The following DERA variants were observed in gnomAD, a reference collection of about 807,000 sequenced individuals.
The protein encoded by DERA is deoxyribose-phosphate aldolase, also known as 2-deoxy-D-ribose 5-phosphate aldolase.
DERA carries 15 observed loss-of-function variants against 41.1 expected under a neutral mutation model. The observed-to-expected ratio is 0.37, with a 90% CI of 0.24 to 0.56. The LOEUF (loss-of-function observed/expected upper bound fraction) is 0.56, where lower values mean the gene tolerates loss of function less well. Among genes scored for constraint, DERA ranks in the 20% least tolerant of loss-of-function variants. The pLI is 0.81. For synonymous variants in DERA, 139 were observed against 137.4 expected, an observed-to-expected ratio of 1.01 and a Z score of -0.08; for missense variants, 396 against 403.4, an observed-to-expected ratio of 0.98 and a Z score of 0.16.
In DERA at chr12:15,913,437, T is replaced by C. The variant is rs1948178143; in HGVS notation, c.31+2023T>C. 6.6e-6 allele frequency among the ~76,000 whole-genome samples: 1 copy of C among 152,228 alleles called. No homozygotes were observed. Among genetic ancestry groups the C allele is most frequent in the Non-Finnish European group, 1.5e-5 (1 of 68,028 alleles). ...TTTCAGTATTAATTTATGCAGTATA[T>C]TAACTGATGATTTTTAAAATAGTTT... On this transcript the variant is annotated intron_variant, in intron 1 of 8. Coordinates refer to ENST00000428559, the MANE Select transcript of DERA (RefSeq NM_015954.4). This position sits in a 1 kb window ranked among gnomAD's most constrained non-coding sequence, Gnocchi z 4.5.
In DERA at chr12:15,945,942, G is replaced by C. The variant is rs138660769; in HGVS notation, c.32-10994G>C. 1.9e-3 allele frequency among the ~76,000 whole-genome samples: 285 copies of C among 152,216 alleles called. 2 individuals are homozygous for C. The highest frequency in any genetic ancestry group is 6.5e-3 in the African/African-American group (268 of 41,520). ...TTTATTGAGAATTTTTAGCAAGAAGGGCTGTTGAATTTTGTCAAAGGCCTT... is the reference window on the plus strand; with the variant it reads ...TTTATTGAGAATTTTTAGCAAGAAGCGCTGTTGAATTTTGTCAAAGGCCTT... On this transcript the variant is annotated intron_variant, in intron 1 of 8. Coordinates refer to ENST00000428559, the MANE Select transcript of DERA (RefSeq NM_015954.4).
rs1390002032 is a variant in DERA at position 15,971,605 on chromosome 12, C to T, written c.508+8658C>T. Among the ~76,000 whole-genome samples, 4 of 150,630 alleles carry T rather than the reference C, an allele frequency of 2.7e-5. No homozygotes were observed. The East Asian group carries it at 7.8e-4, about 29-fold the overall frequency. ...GATCTTGGCTCACTGCAGTCTCTGC[C>T]TCCCAGGTTCAAGAGATTCTCCTGC... On this transcript the variant is annotated intron_variant, in intron 5 of 8. Transcript: ENST00000428559.
rs1413203319 is a variant in DERA, at chr12:15,943,975, G to A, written c.32-12961G>A. On this transcript the variant is annotated intron_variant, in intron 1 of 8. Transcript: ENST00000428559. The surrounding 1 kb of genome is among the most constrained non-coding windows in gnomAD (Gnocchi z 4.5). ...TTCCCACCTATGAGTGAGAACATGC[G>A]GTGTTTGGTTTTTTGTCCTTGTGAT... Among the ~76,000 whole-genome samples, 3 of 148,410 alleles carry A rather than the reference G, an allele frequency of 2.0e-5. No homozygotes were observed. The highest frequency in any genetic ancestry group is 3.0e-5 in the Non-Finnish European group (2 of 67,620).
intron 6 of DERA, among the ~76,000 whole-genome samples, chr12:16,022,529 A>G (rs1949023464): frequency 6.6e-6 from 1 of 152,200 alleles, no homozygotes; most frequent in Admixed American, 6.5e-5. Flanking sequence ...TCTCTAGACA[A>G]TAAAGGCTTG....
In DERA at chr12:15,924,680, G is replaced by C. The variant is rs1359885097; in HGVS notation, c.31+13266G>C. Reference sequence around the variant, plus strand: ...ATAATTAAATTACCTTTAACTTGATGAGTGATCAATAAATGGTAGCCATTA... The same window carrying C: ...ATAATTAAATTACCTTTAACTTGATCAGTGATCAATAAATGGTAGCCATTA... On this transcript the variant is annotated intron_variant, in intron 1 of 8. Coordinates refer to ENST00000428559, the MANE Select transcript of DERA (RefSeq NM_015954.4). The surrounding 1 kb of genome is among the most constrained non-coding windows in gnomAD (Gnocchi z 5.0). Among the ~76,000 whole-genome samples the C allele has an allele frequency of 6.6e-6, 1 of 152,168 alleles. No individual in the cohort carries two copies.
intron 1 of DERA, among the ~76,000 whole-genome samples, chr12:15,912,190 G>T (rs1948169377): frequency 6.6e-6 from 1 of 151,962 alleles, no homozygotes; most frequent in South Asian, 2.1e-4. Flanking sequence ...GTGTCCCTGG[G>T]TACTTAAGAT....
rs186945934 is a variant in DERA, at chr12:16,012,662, A to G, written c.638-19880A>G. ...GCAGAATTAAGCCTTTTTTCTCAAT[A>G]AATTTTAAACCAACATTTTAAAGAT... On this transcript the variant is annotated intron_variant, in intron 6 of 8. Coordinates refer to ENST00000428559, the MANE Select transcript of DERA (RefSeq NM_015954.4). The surrounding 1 kb of genome is among the most constrained non-coding windows in gnomAD (Gnocchi z 4.1). 3.0e-3 allele frequency among the ~76,000 whole-genome samples: 454 copies of G among 152,304 alleles called. 2 individuals carry two copies. Among genetic ancestry groups the G allele is most frequent in the Middle Eastern group, 6.8e-3 (2 of 294 alleles).
At chr12:15,931,000 TG>T (rs1257208931) in intron 1 of DERA, among the ~76,000 whole-genome samples, 1 of 152,172 alleles carries the variant, frequency 6.6e-6, no homozygotes, top group Non-Finnish European at 1.5e-5. Flanking sequence ...TTCCATTAAT[TG>T]TTTCTTCTTT....
At position 16,014,270 on chromosome 12, in the gene DERA, A is replaced by G. The variant is rs1948966036; in HGVS notation, c.638-18272A>G. 6.6e-6 allele frequency among the ~76,000 whole-genome samples: 1 copy of G among 152,220 alleles called. No homozygotes were observed. Among genetic ancestry groups the G allele is most frequent in the Non-Finnish European group, 1.5e-5 (1 of 68,044 alleles). On this transcript the variant is annotated intron_variant, in intron 6 of 8. Transcript: ENST00000428559. The surrounding 1 kb of genome is among the most constrained non-coding windows in gnomAD (Gnocchi z 5.4). Reference sequence around the variant, plus strand: ...ACAGTGGGGGAAATGTCTCCAGGGCATGTCAGAGATCTTCATGGCAGTCTC... The same window carrying G: ...ACAGTGGGGGAAATGTCTCCAGGGCGTGTCAGAGATCTTCATGGCAGTCTC...
rs369289804 is a variant in DERA at position 15,958,296 on chromosome 12, C to T, written c.238C>T (p.Arg80Trp). 37 of 1,603,172 alleles carry T rather than the reference C, an allele frequency of 2.3e-5. No individual in the cohort carries two copies. The highest frequency in any genetic ancestry group is 6.8e-5 in the South Asian group (6 of 88,666). Reference protein sequence around the residue: ...RLCYKAKYPIREDLLKALNMH... With the variant: ...RLCYKAKYPIWEDLLKALNMH... ...CTGTTATAAAGCCAAATACCCAATCCGGGAAGATCTCTTAAAAGCTTTAAA... is the reference window on the plus strand; with the variant it reads ...CTGTTATAAAGCCAAATACCCAATCTGGGAAGATCTCTTAAAAGCTTTAAA... Residue 80 changes from arginine to tryptophan, a missense_variant, in exon 3 of 9, where the codon CGG (arginine) becomes TGG (tryptophan). Physicochemically the swap from Arg to Trp is moderately radical, Grantham distance 101. Coordinates refer to ENST00000428559, the MANE Select transcript of DERA (RefSeq NM_015954.4).
intron 6 of DERA, among the ~76,000 whole-genome samples, chr12:16,018,042 T>C (rs1948994625): frequency 6.6e-6 from 1 of 152,210 alleles, no homozygotes; most frequent in African/African-American, 2.4e-5. Context: ...TAACTTCCTA[T>C]AACATAAATA....
At chr12:15,949,541 A>T (rs1948480720) in intron 1 of DERA, among the ~76,000 whole-genome samples, 1 of 152,182 alleles carries the variant, frequency 6.6e-6, no homozygotes, top group Non-Finnish European at 1.5e-5. Flanking sequence ...TGCTAAGACG[A>T]TTCGAAAAGC....
In DERA at chr12:15,966,816, C is replaced by T. The variant is rs1948626504; in HGVS notation, c.508+3869C>T. ...CTGTCCCAGTGTGACTTTTCCACAA[C>T]CTTGGTGTGCTTTCCTTTGGAAACG... On this transcript the variant is annotated intron_variant, in intron 5 of 8. Coordinates refer to ENST00000428559, the MANE Select transcript of DERA (RefSeq NM_015954.4). This position sits in a 1 kb window ranked among gnomAD's most constrained non-coding sequence, Gnocchi z 5.1. Among the ~76,000 whole-genome samples, 1 of 152,084 alleles carries T rather than the reference C, an allele frequency of 6.6e-6. No homozygotes were observed. The highest frequency in any genetic ancestry group is 1.9e-4 in the East Asian group (1 of 5,170).
At chr12:15,933,964 A>G (rs967833596) in intron 1 of DERA, among the ~76,000 whole-genome samples, 1 of 152,088 alleles carries the variant, frequency 6.6e-6, no homozygotes, top group Non-Finnish European at 1.5e-5. Context: ...CCTTTTTGTC[A>G]GTGATTGCCT....
intron 1 of DERA, among the ~76,000 whole-genome samples, chr12:15,927,155 T>C (rs1948292961): frequency 1.3e-5 from 2 of 152,342 alleles, no homozygotes; most frequent in Non-Finnish European, 2.9e-5. Context: ...AGGGAGATGC[T>C]CTTCATGAAG....
At position 16,003,922 on chromosome 12, in the gene DERA, C is replaced by G. The variant is rs7137303; in HGVS notation, c.637+21486C>G. On this transcript the variant is annotated intron_variant, in intron 6 of 8. Transcript: ENST00000428559. The surrounding 1 kb of genome is among the most constrained non-coding windows in gnomAD (Gnocchi z 4.8). ...GTGTTCTGGGTTGTAGAGCTAGCCA[C>G]TCAGAGGCATCCGGGCCTTCCTCTG... is the stretch of plus-strand genomic sequence containing the variant. 6.6e-6 allele frequency among the ~76,000 whole-genome samples: 1 copy of G among 152,152 alleles called. No individual in the cohort carries two copies. Among genetic ancestry groups the G allele is most frequent in the Non-Finnish European group, 1.5e-5 (1 of 68,028 alleles).
At position 15,996,626 on chromosome 12, in the gene DERA, T is replaced by C. The variant is rs909277135; in HGVS notation, c.637+14190T>C. On this transcript the variant is annotated intron_variant, in intron 6 of 8. Coordinates refer to ENST00000428559, the MANE Select transcript of DERA (RefSeq NM_015954.4). This position sits in a 1 kb window ranked among gnomAD's most constrained non-coding sequence, Gnocchi z 4.7. ...TAATGACATCTTCAGTGGCCCTCTT[T>C]CCAAATAAGGTCTCTTCCTGAGGTA... is the stretch of plus-strand genomic sequence containing the variant. Among the ~76,000 whole-genome samples the C allele has an allele frequency of 1.3e-5, 2 of 152,178 alleles. No individual in the cohort carries two copies. The highest frequency in any genetic ancestry group is 2.9e-5 in the Non-Finnish European group (2 of 68,022).
rs540893960 is a variant in DERA at position 15,983,640 on chromosome 12, T to C, written c.637+1204T>C. Among the ~76,000 whole-genome samples, 10 of 152,322 alleles carry C rather than the reference T, an allele frequency of 6.6e-5. No homozygotes were observed. Among genetic ancestry groups the C allele is most frequent in the African/African-American group, 2.4e-4 (10 of 41,578 alleles). Reference sequence around the variant, plus strand: ...ACATTGTGATTGAGTGTTGAATTTCTAGGTGTCCTTCTAGGGGCCCTATAT... The same window carrying C: ...ACATTGTGATTGAGTGTTGAATTTCCAGGTGTCCTTCTAGGGGCCCTATAT... On this transcript the variant is annotated intron_variant, in intron 6 of 8. Coordinates refer to ENST00000428559, the MANE Select transcript of DERA (RefSeq NM_015954.4). This position sits in a 1 kb window ranked among gnomAD's most constrained non-coding sequence, Gnocchi z 6.2.
At chr12:15,961,697 C>T (rs1359227479) in intron 4 of DERA, among the ~76,000 whole-genome samples, 2 of 152,164 alleles carry the variant, frequency 1.3e-5, no homozygotes, top group Admixed American at 6.5e-5. Context: ...TTGCTTTAAA[C>T]AACAGAGAAA....
Sources: gnomAD v4.1 joint callset for allele counts (sites outside exome capture counted in the v4.1 genomes callset) on GRCh38, gnomAD v4.1.1 for gene constraint, Gnocchi (gnomAD v3.1) non-coding constraint, MANE v1.5 for transcripts, NCBI Gene and HGNC (gene_info 2026-07-23, HGNC 2026-07-21) for gene names.